Variants in NCOA6 observed in about 807,000 individuals in gnomAD.
NCOA6 encodes the protein NRC RAP250.
A neutral mutation model predicts 171.4 loss-of-function variants in NCOA6; 49 were observed. The ratio of observed to expected loss-of-function variants is 0.29; its 90% confidence interval spans 0.23 to 0.36. The LOEUF (loss-of-function observed/expected upper bound fraction) is 0.36. Ranked by LOEUF, NCOA6 falls within the 10% of genes least tolerant of loss-of-function variation. The pLI, the probability that NCOA6 is intolerant of heterozygous loss-of-function variation, is 1.00. For missense variants in NCOA6, 2,248 were observed against 2,554.5 expected, an observed-to-expected ratio of 0.88 and a Z score of 2.59; for synonymous variants, 910 against 927.5, an observed-to-expected ratio of 0.98 and a Z score of 0.34.
At chr20:34,732,634 G>A in intron 12 of NCOA6, 39 bp from the exon 13 acceptor site, 2 of 1,579,830 alleles carry the variant, frequency 1.3e-6, no homozygotes, top group Non-Finnish European at 1.7e-6. Context: ...AAATGTGGGA[G>A]CTGCCACAGA....
In NCOA6 at chr20:34,741,897, G is replaced by A. The variant is rs1032667677; in HGVS notation, c.4359C>T (p.Val1453=). 6.2e-7 allele frequency: 1 copy of A among 1,614,174 alleles called. No homozygotes were observed. The highest frequency in any genetic ancestry group is 8.5e-7 in the Non-Finnish European group (1 of 1,180,034). ...AVPAQEVKMV[V]PEDQSKKDGQ... is the part of the protein sequence containing the mutation. ...CATCCTTTTTGGACTGATCTTCAGG[G>A]ACAACCATTTTAACTTCTTGGGCAG... The change falls in exon 11 of 15, where the codon GTC becomes GTT. Residue 1453 remains valine (V), a synonymous_variant. Transcript: ENST00000359003.
At position 34,749,388 on chromosome 20, in the gene NCOA6, A is replaced by C; in HGVS notation, c.2792+15T>G. On this transcript the variant is annotated intron_variant, in intron 9 of 14. Transcript: ENST00000359003. Reference sequence around the variant, plus strand: ...ACAAATGAATAAAATTTGAGGCAAAACCATCACAACCTACTTTAGATCTTG... The same window carrying C: ...ACAAATGAATAAAATTTGAGGCAAACCCATCACAACCTACTTTAGATCTTG... The C allele has an allele frequency of 6.4e-7, 1 of 1,567,624 alleles. No individual in the cohort carries two copies. Among genetic ancestry groups the C allele is most frequent in the Non-Finnish European group, 8.6e-7 (1 of 1,158,388 alleles).
At chr20:34,750,607 C>T in intron 8 of NCOA6, 88 bp from the exon 9 acceptor site, 1 of 1,341,604 alleles carries the variant, frequency 7.5e-7, no homozygotes, top group Non-Finnish European at 9.9e-7. Flanking sequence ...CTCAGAAAGA[C>T]ATCCATCACC....
chr20:34,782,128 T>C lies in NCOA6; in HGVS notation c.228A>G (p.Leu76=). The change falls in exon 3 of 15, where the codon TTA becomes TTG. Residue 76 remains leucine, a synonymous_variant. Transcript: ENST00000359003. ...DAILKNVPNL[L]HMESSKLKVQ... ...ATAATTAAAGCAAATTACCCATGTG[T>C]AACAAATTGGGCACGTTTTTCAATA... 1.9e-6 allele frequency: 3 copies of C among 1,585,560 alleles called. No individual in the cohort carries two copies. Among genetic ancestry groups the C allele is most frequent in the Non-Finnish European group, 1.7e-6 (2 of 1,161,018 alleles).
intron 5 of NCOA6, among the ~76,000 whole-genome samples, chr20:34,765,923 T>C (rs538442838): frequency 6.6e-6 from 1 of 152,242 alleles, no homozygotes; most frequent in Non-Finnish European, 1.5e-5. Flanking sequence ...AACTTTCTGT[T>C]GCCCATGCTA....
chr20:34,775,305 G>GGGGT (rs1555840297), intron 4 of NCOA6, among the ~76,000 whole-genome samples: 44 of 148,328 alleles, frequency 3.0e-4, no homozygotes, highest in Admixed American at 2.4e-3. Flanking sequence ...TAGGGGTGTA[G>GGGGT]GTGTGTGTGT....
At chr20:34,811,201 G>GTATGTA (rs1244311939) in intron 1 of NCOA6, among the ~76,000 whole-genome samples, 1 of 53,830 alleles carries the variant, frequency 1.9e-5, no homozygotes, top group Non-Finnish European at 3.7e-5. Context: ...ACAACAACGT[G>GTATGTA]TATATATATA....
At chr20:34,766,813 A>C (rs1289274811) in intron 5 of NCOA6, among the ~76,000 whole-genome samples, 1 of 152,170 alleles carries the variant, frequency 6.6e-6, no homozygotes, top group Non-Finnish European at 1.5e-5. Flanking sequence ...CCTGATGCTC[A>C]TCCCAGGTTT....
chr20:34,785,149 A>G lies in NCOA6; in HGVS notation c.-49-2745T>C, dbSNP rs1029900695. On this transcript the variant is annotated intron_variant, in intron 2 of 14. Transcript: ENST00000359003. ...TAAACTTCAACAGCAAAGGCTTTCC[A>G]AAAACCAACCTAAGCAATCCTTGGG... is the stretch of plus-strand genomic sequence containing the variant. Among the ~76,000 whole-genome samples, 89 of 152,196 alleles carry G rather than the reference A, an allele frequency of 5.8e-4. 1 individual carries two copies. The highest frequency in any genetic ancestry group is 1.3e-4 in the Non-Finnish European group (9 of 68,030).
intron 7 of NCOA6, among the ~76,000 whole-genome samples, chr20:34,756,626 AAAAT>A (rs1358010447): frequency 2.0e-5 from 3 of 152,210 alleles, no homozygotes; most frequent in Admixed American, 6.5e-5. Flanking sequence ...GGCACCTTAC[AAAAT>A]AAATAAATAA....
chr20:34,765,547 C>T (rs2076957801), intron 5 of NCOA6, among the ~76,000 whole-genome samples: 1 of 151,656 alleles, frequency 6.6e-6, no homozygotes. Context: ...GACACTATAA[C>T]ATGCATTCCA....
At position 34,776,460 on chromosome 20, in the gene NCOA6, A is replaced by C; in HGVS notation, c.236-12T>G. The C allele has an allele frequency of 6.2e-7, 1 of 1,612,600 alleles. No homozygotes were observed. The highest frequency in any genetic ancestry group is 2.2e-5 in the East Asian group (1 of 44,862). On this transcript the variant is annotated splice_polypyrimidine_tract_variant and intron_variant, in intron 3 of 14. Coordinates refer to ENST00000359003, the MANE Select transcript of NCOA6 (RefSeq NM_014071.5). ...TAGCTTGCTGGACTCTTGATTGTGAAAGAAAAAGAATTATATTAATAATCT... is the reference window on the plus strand; with the variant it reads ...TAGCTTGCTGGACTCTTGATTGTGACAGAAAAAGAATTATATTAATAATCT...
chr20:34,753,583 C>G (rs1201194986), intron 8 of NCOA6, among the ~76,000 whole-genome samples: 1 of 151,844 alleles, frequency 6.6e-6, no homozygotes, highest in African/African-American at 2.4e-5. Context: ...TTGCTTGAAC[C>G]TGGGAGGTGG....
intron 1 of NCOA6, among the ~76,000 whole-genome samples, chr20:34,816,887 G>A (rs1026095086): frequency 3.3e-5 from 5 of 151,670 alleles, no homozygotes; most frequent in African/African-American, 7.3e-5. Flanking sequence ...TTGGGAGGCC[G>A]AGGCAGGTGG....
At chr20:34,780,629 C>A (rs2077490135) in intron 3 of NCOA6, among the ~76,000 whole-genome samples, 2 of 151,550 alleles carry the variant, frequency 1.3e-5, no homozygotes, top group African/African-American at 2.4e-5. Context: ...GGATTACAGG[C>A]ATGAGCCACT....
At chr20:34,767,134 A>G (rs1349526912) in intron 5 of NCOA6, among the ~76,000 whole-genome samples, 2 of 152,170 alleles carry the variant, frequency 1.3e-5, no homozygotes, top group Non-Finnish European at 2.9e-5. Context: ...TTCAAGCATG[A>G]GCTCAAAAGA....
chr20:34,795,586 A>T (rs2146378463), intron 1 of NCOA6, among the ~76,000 whole-genome samples: 1 of 152,352 alleles, frequency 6.6e-6, no homozygotes, highest in Middle Eastern at 3.4e-3. Flanking sequence ...TCTCTTCAAA[A>T]AGCCAAAATC....
intron 4 of NCOA6, among the ~76,000 whole-genome samples, chr20:34,773,597 C>T (rs896305424): frequency 5.3e-5 from 8 of 152,176 alleles, no homozygotes; most frequent in African/African-American, 1.4e-4. Flanking sequence ...GATCTCGGCT[C>T]ACCGCAACCT....
Position 34,782,142 on chromosome 20 carries a change from C to T in NCOA6, c.214G>A (p.Val72Met), listed in dbSNP as rs371910976. ...TTACCCATGTGTAACAAATTGGGCA[C>T]GTTTTTCAATATTGCATCTAATTTC... is the stretch of plus-strand genomic sequence containing the variant. Reference protein sequence around the residue: ...KWKLDAILKNVPNLLHMESSK... With the variant: ...KWKLDAILKNMPNLLHMESSK... The change falls in exon 3 of 15, where the codon GTG becomes ATG. Residue 72 changes from valine (V) to methionine (M), a missense_variant. Coordinates refer to ENST00000359003, the MANE Select transcript of NCOA6 (RefSeq NM_014071.5). The T allele has an allele frequency of 1.5e-5, 24 of 1,597,882 alleles. No individual in the cohort carries two copies. In the African/African-American group the frequency reaches 2.0e-4, roughly 13 times the overall value.
Sources: allele counts gnomAD v4.1 joint callset (sites outside exome capture counted in the v4.1 genomes callset), GRCh38; gene constraint gnomAD v4.1.1; transcripts MANE v1.5; gene names NCBI Gene and HGNC (gene_info 2026-07-23, HGNC 2026-07-21).